The following ST3GAL1 variants were observed in gnomAD, a reference collection of about 807,000 sequenced individuals.
ST3GAL1 encodes ST3 beta-galactoside alpha-2,3-sialyltransferase 1.
A neutral mutation model predicts 34.1 loss-of-function variants in ST3GAL1; 16 were observed. The observed-to-expected ratio is 0.47, with a 90% CI of 0.32 to 0.71. ST3GAL1 has a LOEUF of 0.71. Ranked by LOEUF, ST3GAL1 falls within the 30% of genes least tolerant of loss-of-function variation. The pLI, the probability that ST3GAL1 is intolerant of heterozygous loss-of-function variation, is 0.04. For synonymous variants in ST3GAL1, 191 were observed against 184.7 expected, an observed-to-expected ratio of 1.03 and a Z score of -0.28; for missense variants, 353 against 447.4, an observed-to-expected ratio of 0.79 and a Z score of 1.90.
intron 2 of ST3GAL1, among the ~76,000 whole-genome samples, chr8:133,515,116 A>G (rs979449506): frequency 1.3e-5 from 2 of 152,094 alleles, no homozygotes; most frequent in South Asian, 2.1e-4. Context: ...CTGCTCTCCC[A>G]TCATGGTCCT....
intron 2 of ST3GAL1, among the ~76,000 whole-genome samples, chr8:133,530,640 T>G (rs931873819): frequency 6.6e-6 from 1 of 152,132 alleles, no homozygotes; most frequent in Non-Finnish European, 1.5e-5. Context: ...ACCAAGGCTT[T>G]TGTTGTTGTT....
intron 2 of ST3GAL1, among the ~76,000 whole-genome samples, chr8:133,542,320 CA>C (rs1818558373): frequency 6.6e-6 from 1 of 152,294 alleles, no homozygotes; most frequent in Admixed American, 6.5e-5. Flanking sequence ...GCTATGACAA[CA>C]AGGCAGCAAG....
At chr8:133,518,945 C>T (rs2131023779) in intron 2 of ST3GAL1, among the ~76,000 whole-genome samples, 1 of 152,250 alleles carries the variant, frequency 6.6e-6, no homozygotes, top group Admixed American at 6.5e-5. Flanking sequence ...TAAACACGAC[C>T]TCAGGCTGCT....
At chr8:133,524,170 C>T (rs1301827297) in intron 2 of ST3GAL1, among the ~76,000 whole-genome samples, 1 of 152,174 alleles carries the variant, frequency 6.6e-6, no homozygotes, top group Non-Finnish European at 1.5e-5. Flanking sequence ...TCAAGCAAAG[C>T]CTGGAACAAT....
In ST3GAL1 at chr8:133,565,427, C is replaced by A. The variant is rs141836520; in HGVS notation, c.-582+6266G>T. On this transcript the variant is annotated intron_variant, in intron 1 of 9. Coordinates refer to ENST00000522652, the MANE Select transcript of ST3GAL1 (RefSeq NM_173344.3). ...TTCCAGAGGCTTCTGGCAACTATTG[C>A]GATGCTCTCCTGGTTCCCCTAGCCC... Among the ~76,000 whole-genome samples, 21 of 152,260 alleles carry A rather than the reference C, an allele frequency of 1.4e-4. No homozygotes were observed. In the East Asian group the frequency reaches 3.9e-3, roughly 28 times the overall value.
rs1815420338 is a variant in ST3GAL1 at position 133,459,608 on chromosome 8, A to T, written c.*156T>A. The T allele has an allele frequency of 1.1e-6, 1 of 885,954 alleles. No individual in the cohort carries two copies. The highest frequency in any genetic ancestry group is 2.9e-5 in the East Asian group (1 of 34,312). The allele number at this position is 885,954 out of a possible 1,614,324, so 54.9% of individuals were successfully genotyped here. The stretch of plus-strand genomic sequence containing the variant: ...AGAGCTTAGTGACCTTGCTGAGTAG[A>T]TGCTGCCAACGGCTGGGTGCAAGAG... On this transcript the variant is annotated 3_prime_UTR_variant, in exon 10 of 10. Transcript: ENST00000522652. The surrounding 1 kb of genome is among the most constrained non-coding windows in gnomAD (Gnocchi z 4.7).
intron 2 of ST3GAL1, among the ~76,000 whole-genome samples, chr8:133,534,110 G>A (rs1053900158): frequency 2.0e-5 from 3 of 152,120 alleles, no homozygotes; most frequent in Admixed American, 6.6e-5. Flanking sequence ...ACCATCTGTC[G>A]AGATTGCAAA....
At chr8:133,502,638 T>G (rs1817217631) in intron 2 of ST3GAL1, among the ~76,000 whole-genome samples, 1 of 152,212 alleles carries the variant, frequency 6.6e-6, no homozygotes, top group African/African-American at 2.4e-5. Flanking sequence ...TGTGATATTT[T>G]GTTATGGTAG....
chr8:133,540,864 T>G (rs867890909), intron 2 of ST3GAL1, among the ~76,000 whole-genome samples: 2 of 119,896 alleles, frequency 1.7e-5, no homozygotes, highest in East Asian at 2.6e-4. Flanking sequence ...GACATATATA[T>G]AGAGACATAT....
chr8:133,468,878 C>CCCCTGA, intron 5 of ST3GAL1, among the ~76,000 whole-genome samples: 1 of 152,218 alleles, frequency 6.6e-6, no homozygotes, highest in African/African-American at 2.4e-5. Context: ...GGTAGAGGAC[C>CCCCTGA]ACAGCCAGAC....
intron 3 of ST3GAL1, among the ~76,000 whole-genome samples, chr8:133,496,890 T>C (rs1816964952): frequency 6.6e-6 from 1 of 152,244 alleles, no homozygotes; most frequent in Non-Finnish European, 1.5e-5. Context: ...CCCTTCTTTT[T>C]TAACAACTCA....
chr8:133,473,453 C>T (rs957057512), intron 5 of ST3GAL1, among the ~76,000 whole-genome samples: 10 of 152,138 alleles, frequency 6.6e-5, no homozygotes, highest in Non-Finnish European at 1.5e-4. Context: ...GTGTAGTACC[C>T]TGTTTGTCCC....
intron 2 of ST3GAL1, among the ~76,000 whole-genome samples, chr8:133,505,705 C>CCT (rs1563718415): frequency 5.3e-5 from 8 of 151,830 alleles, no homozygotes; most frequent in Non-Finnish European, 1.0e-4. Flanking sequence ...TGGGTTCAAG[C>CCT]GAGTCTCCTG....
Position 133,465,929 on chromosome 8 carries a change from A to G in ST3GAL1, c.468T>C (p.Tyr156=), listed in dbSNP as rs370089272. ...GNSGNLRESS[Y]GPEIDSHDFV... ...AGTCGTGACTGTCTATCTCAGGCCC[A>G]TAAGAAGACTCCCTCAGGTTGCCCG... Residue 156 remains tyrosine, a synonymous_variant, in exon 6 of 10, where the codon TAT becomes TAC. Transcript: ENST00000522652. 2 of 1,614,012 alleles carry G rather than the reference A, an allele frequency of 1.2e-6. No individual in the cohort carries two copies. The highest frequency in any genetic ancestry group is 1.7e-6 in the Non-Finnish European group (2 of 1,180,004).
intron 1 of ST3GAL1, among the ~76,000 whole-genome samples, chr8:133,550,372 C>G (rs1818804345): frequency 6.6e-6 from 1 of 152,134 alleles, no homozygotes; most frequent in Non-Finnish European, 1.5e-5. Context: ...AAAGACAAAT[C>G]AGAAAGTGTC....
chr8:133,484,420 G>C (rs769460464), intron 3 of ST3GAL1, among the ~76,000 whole-genome samples: 1 of 152,240 alleles, frequency 6.6e-6, no homozygotes, highest in Non-Finnish European at 1.5e-5. Context: ...CACCTGGATT[G>C]AGTTAAAACA....
rs189505876 is a variant in ST3GAL1 at position 133,462,222 on chromosome 8, G to A, written c.730-228C>T. Among the ~76,000 whole-genome samples the A allele has an allele frequency of 3.8e-3, 577 of 152,302 alleles. 4 individuals carry two copies. The highest frequency in any genetic ancestry group is 0.014 in the Middle Eastern group (4 of 294). On this transcript the variant is annotated intron_variant, in intron 8 of 9. Transcript: ENST00000522652. ...TGCTATGGAGAGCAATGATGCAGAG[G>A]AGGGCCCTACAGGACCGTGTGAGGA...
intron 3 of ST3GAL1, among the ~76,000 whole-genome samples, chr8:133,483,719 G>A (rs1299227731): frequency 6.6e-6 from 1 of 152,134 alleles, no homozygotes; most frequent in Non-Finnish European, 1.5e-5. Flanking sequence ...GCAGGAAGGA[G>A]CTCCTAACAC....
intron 3 of ST3GAL1, among the ~76,000 whole-genome samples, chr8:133,497,532 G>T (rs1032474086): frequency 8.0e-6 from 1 of 124,882 alleles, no homozygotes; most frequent in Non-Finnish European, 1.6e-5. Context: ...GTGCACGGGC[G>T]CAATCTCGGC....
Sources: allele counts gnomAD v4.1 joint callset (sites outside exome capture counted in the v4.1 genomes callset), GRCh38; gene constraint gnomAD v4.1.1; non-coding constraint Gnocchi (gnomAD v3.1); transcripts MANE v1.5; gene names NCBI Gene and HGNC (gene_info 2026-07-23, HGNC 2026-07-21).